Variants in GLIS3 observed in about 807,000 individuals in gnomAD.
GLIS3 encodes the protein zinc finger protein GLIS3.
GLIS3 carries 53 observed loss-of-function variants against 78.6 expected under a neutral mutation model. The ratio of observed to expected loss-of-function variants is 0.67; its 90% CI spans 0.54 to 0.85. The LOEUF is 0.85. Ranked by LOEUF, GLIS3 falls within the 40% of genes least tolerant of loss-of-function variation. The pLI, the probability that GLIS3 is intolerant of heterozygous loss-of-function variation, is 0.00. For synonymous variants in GLIS3, 684 were observed against 509.9 expected (o/e 1.34, Z -4.60); for missense variants, 1,703 against 1,231.1 (o/e 1.38, Z -5.74).
chr9:4,417,491 A>T, the GLIS3 span, among the ~76,000 whole-genome samples: 2 of 152,130 alleles, frequency 1.3e-5, no homozygotes, highest in African/African-American at 4.8e-5. Flanking sequence ...CATTATTTGG[A>T]TGTACCAACA....
chr9:4,397,603 C>T, the GLIS3 span, among the ~76,000 whole-genome samples: 2 of 150,324 alleles, frequency 1.3e-5, no homozygotes, highest in East Asian at 2.0e-4. Flanking sequence ...CAAGCCCATT[C>T]CCCCTGCAAA....
chr9:4,228,198 C>CAAAAAAAA (rs59507597), intron 2 of GLIS3, among the ~76,000 whole-genome samples: 7 of 107,038 alleles, frequency 6.5e-5, no homozygotes, highest in African/African-American at 2.6e-4. Context: ...TCTAAGGTGG[C>CAAAAAAAA]AAAAAAAAAA....
chr9:4,411,992 A>G, the GLIS3 span, among the ~76,000 whole-genome samples: 1 of 152,254 alleles, frequency 6.6e-6, no homozygotes, highest in Non-Finnish European at 1.5e-5. Flanking sequence ...AACATTTAAG[A>G]GACAGCACAC....
intron 2 of GLIS3, chr9:4,152,089 AAT>A: frequency 1.0e-6 from 1 of 971,430 alleles, no homozygotes; most frequent in Non-Finnish European, 1.2e-6. Flanking sequence ...CAAGTAACAC[AAT>A]ATTTTTCTAC....
intron 4 of GLIS3, chr9:3,975,263 A>T (rs1818682589): frequency 1.3e-5 from 2 of 152,196 alleles, no homozygotes; most frequent in Non-Finnish European, 2.9e-5. Context: ...CAGTTGGAAG[A>T]GTAATGTACA....
chr9:3,849,455 C>T (rs915856605), intron 9 of GLIS3, among the ~76,000 whole-genome samples: 1 of 152,190 alleles, frequency 6.6e-6, no homozygotes, highest in Non-Finnish European at 1.5e-5. Context: ...CTGCCTGAAA[C>T]TGGGACAAGA....
In GLIS3 at chr9:4,336,680, GC is replaced by G. The variant is rs147814155; in HGVS notation, n.264+10400del. On this transcript the variant is annotated intron_variant and non_coding_transcript_variant, in intron 2 of 4. Coordinates refer to the GLIS3 transcript ENST00000471664. ...CCAGATCCACCTAACTCCAAACCTT[GC>G]CATTCCTCAAAACTATCACTTATGG... Among the ~76,000 whole-genome samples, 962 of 152,256 alleles carry G rather than the reference GC, an allele frequency of 6.3e-3. 12 individuals are homozygous for G. The highest frequency in any genetic ancestry group is 0.021 in the African/African-American group (882 of 41,544).
At chr9:4,246,719 T>C (rs1285989140) in intron 2 of GLIS3, among the ~76,000 whole-genome samples, 4 of 152,192 alleles carry the variant, frequency 2.6e-5, no homozygotes, top group Non-Finnish European at 5.9e-5. Context: ...TTACCTCCTA[T>C]CATTTCCTAA....
chr9:4,431,720 T>C, the GLIS3 span, among the ~76,000 whole-genome samples: 1 of 151,998 alleles, frequency 6.6e-6, no homozygotes, highest in East Asian at 1.9e-4. Context: ...GGCACATGCC[T>C]GTAATCCAAG....
chr9:3,833,464 T>C (rs751159110), intron 9 of GLIS3, among the ~76,000 whole-genome samples: 1 of 152,132 alleles, frequency 6.6e-6, no homozygotes, highest in Non-Finnish European at 1.5e-5. Context: ...CATAGCAAAT[T>C]TGGAAATAAC....
the GLIS3 span, among the ~76,000 whole-genome samples, chr9:4,398,045 G>A: frequency 6.6e-6 from 1 of 151,968 alleles, no homozygotes; most frequent in African/African-American, 2.4e-5. Flanking sequence ...AAGACCTTGA[G>A]TCAATCGGCC....
intron 4 of GLIS3, among the ~76,000 whole-genome samples, chr9:4,063,806 C>T (rs1478163855): frequency 1.3e-5 from 2 of 152,074 alleles, no homozygotes; most frequent in Admixed American, 6.6e-5. Context: ...AGAAAAATAA[C>T]CTCTACACAC....
At position 3,846,977 on chromosome 9, in the gene GLIS3, A is replaced by G. The variant is rs376825381; in HGVS notation, c.2473+9032T>C. Among the ~76,000 whole-genome samples, 114 of 152,278 alleles carry G rather than the reference A, an allele frequency of 7.5e-4. 1 individual carries two copies. Among genetic ancestry groups the G allele is most frequent in the African/African-American group, 2.7e-3 (112 of 41,540 alleles). On this transcript the variant is annotated intron_variant, in intron 9 of 10. Transcript: ENST00000381971. ...GGCAGGGGGGTCACCTGAAGTCAGG[A>G]GTTCAAGACCAGTCTGGCCAACATG...
the GLIS3 span, among the ~76,000 whole-genome samples, chr9:4,354,969 ACCCAGG>A: frequency 2.0e-5 from 3 of 151,730 alleles, no homozygotes; most frequent in Admixed American, 6.6e-5. Flanking sequence ...ACCAAAAATT[ACCCAGG>A]CGTGGTGGCG....
chr9:4,421,897 T>G, the GLIS3 span, among the ~76,000 whole-genome samples: 2 of 152,212 alleles, frequency 1.3e-5, no homozygotes, highest in Non-Finnish European at 2.9e-5. Flanking sequence ...CAGGGAGTCA[T>G]TAAACATGAG....
At chr9:4,318,490 G>A (rs1297687696) in intron 2 of GLIS3, among the ~76,000 whole-genome samples, 3 of 152,086 alleles carry the variant, frequency 2.0e-5, no homozygotes, top group Non-Finnish European at 4.4e-5. Context: ...AAAATATAAG[G>A]GGCAGTGTCA....
At chr9:4,258,732 A>G (rs967553371) in intron 2 of GLIS3, among the ~76,000 whole-genome samples, 3 of 152,054 alleles carry the variant, frequency 2.0e-5, no homozygotes, top group Non-Finnish European at 4.4e-5. Context: ...TCATTTATTG[A>G]TTTGTTTTAT....
At chr9:4,193,044 A>T (rs990428001) in intron 2 of GLIS3, among the ~76,000 whole-genome samples, 5 of 152,194 alleles carry the variant, frequency 3.3e-5, no homozygotes, top group African/African-American at 1.2e-4. Context: ...AAGTAAGGTA[A>T]GCCTTATTCT....
At chr9:4,100,937 C>G (rs1830324505) in intron 4 of GLIS3, among the ~76,000 whole-genome samples, 1 of 152,158 alleles carries the variant, frequency 6.6e-6, no homozygotes, top group East Asian at 1.9e-4. Context: ...AATGGCACTG[C>G]TGGAGTTATG....
Sources: gnomAD v4.1 joint callset for allele counts (sites outside exome capture counted in the v4.1 genomes callset) on GRCh38, gnomAD v4.1.1 for gene constraint, MANE v1.5 for transcripts, NCBI Gene and HGNC (gene_info 2026-07-23, HGNC 2026-07-21) for gene names.